Variants in TBC1D5 observed in about 807,000 individuals in gnomAD.
TBC1D5 encodes the protein TBC1 domain family, member 5.
Under a neutral mutation model 100.3 loss-of-function variants are expected in TBC1D5, and 75 were observed. That is an observed-to-expected ratio of 0.75 (90% CI 0.62 to 0.91). The LOEUF is 0.91. Ranked by LOEUF, TBC1D5 falls within the 40% of genes least tolerant of loss-of-function variation. The pLI is 0.00. For synonymous variants in TBC1D5, 323 were observed against 325.6 expected (o/e 0.99, Z 0.09); for missense variants, 910 against 942.4 (o/e 0.97, Z 0.45).
chr3:17,611,537 T>C (rs978548755), intron 2 of TBC1D5, among the ~76,000 whole-genome samples: 4 of 152,144 alleles, frequency 2.6e-5, no homozygotes, highest in African/African-American at 9.7e-5. Context: ...TATACTTAGA[T>C]GAAGGCATGA....
intron 16 of TBC1D5, among the ~76,000 whole-genome samples, chr3:17,243,613 A>G (rs911761164): frequency 6.6e-6 from 1 of 152,186 alleles, no homozygotes; most frequent in African/African-American, 2.4e-5. Flanking sequence ...AAATTTAACA[A>G]AGATAAATAA....
At chr3:17,638,109 T>C (rs1560345412) in intron 1 of TBC1D5, among the ~76,000 whole-genome samples, 1 of 152,134 alleles carries the variant, frequency 6.6e-6, no homozygotes, top group Non-Finnish European at 1.5e-5. Context: ...TTTAATACTA[T>C]TGACATGTTC....
At chr3:17,615,345 A>G (rs2062055414) in intron 2 of TBC1D5, among the ~76,000 whole-genome samples, 1 of 151,604 alleles carries the variant, frequency 6.6e-6, no homozygotes. Flanking sequence ...CTAAAATTCT[A>G]TTTTTTTTGC....
intron 16 of TBC1D5, among the ~76,000 whole-genome samples, chr3:17,245,126 G>A (rs537024673): frequency 9.3e-4 from 141 of 151,866 alleles, no homozygotes; most frequent in African/African-American, 3.3e-3. Flanking sequence ...CTGGGAGGTC[G>A]AGGCTGCAGT....
chr3:17,616,654 GT>G (rs2062187983), intron 2 of TBC1D5, among the ~76,000 whole-genome samples: 1 of 152,024 alleles, frequency 6.6e-6, no homozygotes, highest in Non-Finnish European at 1.5e-5. Flanking sequence ...GGCCTTCTTT[GT>G]CTCTTTGGAT....
intron 1 of TBC1D5, among the ~76,000 whole-genome samples, chr3:17,661,036 G>A (rs1049660658): frequency 2.0e-5 from 3 of 152,124 alleles, no homozygotes; most frequent in Admixed American, 6.5e-5. Context: ...TAAATAACAT[G>A]TATAAGCTAG....
At chr3:17,286,194 T>C (rs1175532810) in intron 15 of TBC1D5, among the ~76,000 whole-genome samples, 1 of 152,248 alleles carries the variant, frequency 6.6e-6, no homozygotes, top group Non-Finnish European at 1.5e-5. Context: ...AAAATTACTT[T>C]GCTTATGTTT....
At chr3:17,159,390 GTGTC>G (rs1200547205) in exon 22 of TBC1D5, 1 of 152,236 alleles carries the variant, frequency 6.6e-6, no homozygotes, top group East Asian at 1.9e-4. Context: ...GACGTAAACA[GTGTC>G]TGTTCCTCTA....
At chr3:17,299,221 G>A (rs1279573147) in intron 14 of TBC1D5, among the ~76,000 whole-genome samples, 2 of 152,204 alleles carry the variant, frequency 1.3e-5, no homozygotes, top group Admixed American at 6.5e-5. Context: ...AGCTTATGTG[G>A]TGTGGATATG....
intron 1 of TBC1D5, among the ~76,000 whole-genome samples, chr3:17,634,276 T>A (rs1217336550): frequency 6.6e-6 from 1 of 152,196 alleles, no homozygotes; most frequent in African/African-American, 2.4e-5. Flanking sequence ...TGCACTCCCA[T>A]GTTTGTTACA....
chr3:17,382,771 A>C (rs2092999843), intron 9 of TBC1D5, among the ~76,000 whole-genome samples: 1 of 152,044 alleles, frequency 6.6e-6, no homozygotes, highest in Admixed American at 6.6e-5. Flanking sequence ...CATGTTGCCC[A>C]GCCTGGTCTC....
At chr3:17,431,404 G>T (rs192043949) in intron 3 of TBC1D5, among the ~76,000 whole-genome samples, 1 of 152,012 alleles carries the variant, frequency 6.6e-6, no homozygotes, top group Non-Finnish European at 1.5e-5. Flanking sequence ...GAATACAGTT[G>T]TAACTTTAAA....
At chr3:17,677,475 T>C (rs530195044) in intron 1 of TBC1D5, among the ~76,000 whole-genome samples, 2 of 152,030 alleles carry the variant, frequency 1.3e-5, no homozygotes, top group South Asian at 2.1e-4. Flanking sequence ...GTTAGAATGG[T>C]GATCATTAAA....
intron 18 of TBC1D5, among the ~76,000 whole-genome samples, chr3:17,204,651 C>T (rs2071918804): frequency 6.6e-6 from 1 of 151,988 alleles, no homozygotes; most frequent in Non-Finnish European, 1.5e-5. Flanking sequence ...TTCACTCAAC[C>T]CAAAGGGCAC....
chr3:17,485,092 T>C (rs571294567), intron 3 of TBC1D5, among the ~76,000 whole-genome samples: 13 of 152,204 alleles, frequency 8.5e-5, no homozygotes, highest in Non-Finnish European at 1.3e-4. Flanking sequence ...TGCATACAAC[T>C]GTCTAATAAT....
At chr3:17,468,629 G>A (rs961961881) in intron 3 of TBC1D5, among the ~76,000 whole-genome samples, 1 of 152,052 alleles carries the variant, frequency 6.6e-6, no homozygotes, top group Non-Finnish European at 1.5e-5. Flanking sequence ...TATGTCCCAA[G>A]CACCTAGAAC....
At chr3:17,302,540 G>A (rs759392070) in intron 14 of TBC1D5, among the ~76,000 whole-genome samples, 13 of 152,098 alleles carry the variant, frequency 8.5e-5, no homozygotes, top group Non-Finnish European at 1.8e-4. Context: ...TCAGAATTTT[G>A]GACTAGATGC....
intron 13 of TBC1D5, among the ~76,000 whole-genome samples, chr3:17,328,334 G>A (rs2086434548): frequency 6.6e-6 from 1 of 151,840 alleles, no homozygotes; most frequent in South Asian, 2.1e-4. Context: ...AGATTTCTGG[G>A]TGAGATGAGA....
chr3:17,305,153 G>A (rs1454841285), intron 14 of TBC1D5, among the ~76,000 whole-genome samples: 1 of 152,054 alleles, frequency 6.6e-6, no homozygotes, highest in East Asian at 1.9e-4. Flanking sequence ...CAAAGTGAGT[G>A]GACTTTTCTC....
Sources: gnomAD v4.1 joint callset for allele counts (sites outside exome capture counted in the v4.1 genomes callset) on GRCh38, gnomAD v4.1.1 for gene constraint, MANE v1.5 for transcripts, NCBI Gene and HGNC (gene_info 2026-07-23, HGNC 2026-07-21) for gene names.